TENM3: variants seen among roughly 807,000 people sequenced by gnomAD.
The protein encoded by TENM3 is teneurin transmembrane protein 3.
In TENM3, 63 loss-of-function variants were observed where a neutral mutation model predicts 255.1. The ratio of observed to expected loss-of-function variants is 0.25; its 90% CI spans 0.20 to 0.30. TENM3 has a LOEUF of 0.30. Among genes scored for constraint, TENM3 ranks in the 10% least tolerant of loss-of-function variants. The pLI is 1.00. For missense variants in TENM3, 2,929 were observed against 3,461.1 expected, an observed-to-expected ratio of 0.85 and a Z score of 3.86; for synonymous variants, 1,306 against 1,322.3, an observed-to-expected ratio of 0.99 and a Z score of 0.27.
the TENM3 span, among the ~76,000 whole-genome samples, chr4:181,941,980 C>A: frequency 6.6e-6 from 1 of 152,184 alleles, no homozygotes; most frequent in South Asian, 2.1e-4. Flanking sequence ...TAAAAAACAA[C>A]AGGCTTCCCT....
At chr4:182,682,761 T>C (rs912997103) in intron 11 of TENM3, among the ~76,000 whole-genome samples, 1 of 152,214 alleles carries the variant, frequency 6.6e-6, no homozygotes, top group African/African-American at 2.4e-5. Context: ...TTTATTTTTT[T>C]CAAATGTTGG....
the TENM3 span, among the ~76,000 whole-genome samples, chr4:181,746,663 C>A: frequency 2.0e-5 from 3 of 151,806 alleles, no homozygotes; most frequent in Non-Finnish European, 4.4e-5. Context: ...TACTTAGGTA[C>A]CACTTTATTT....
rs527279875 is a variant in TENM3, at chr4:182,587,034, A to T, written c.512-13890A>T. The stretch of plus-strand genomic sequence containing the variant: ...AGACTGAATCTTTTTGCTAAAAATA[A>T]TTTTTAAAATGTATTATAATTGTCT... On this transcript the variant is annotated intron_variant, in intron 3 of 27. Coordinates refer to ENST00000511685, the MANE Select transcript of TENM3 (RefSeq NM_001080477.4). 7.9e-5 allele frequency among the ~76,000 whole-genome samples: 12 copies of T among 152,320 alleles called. No individual in the cohort carries two copies. In the South Asian group the frequency reaches 2.5e-3, roughly 32 times the overall value.
At chr4:182,326,770 T>G (rs1473530899) in intron 2 of TENM3, among the ~76,000 whole-genome samples, 3 of 152,102 alleles carry the variant, frequency 2.0e-5, no homozygotes, top group Non-Finnish European at 4.4e-5. Context: ...CTCAAACTCC[T>G]GGCCTCAAGC....
the TENM3 span, among the ~76,000 whole-genome samples, chr4:181,932,945 A>G: frequency 3.9e-5 from 6 of 152,166 alleles, no homozygotes; most frequent in Non-Finnish European, 4.4e-5. Flanking sequence ...GTTTTCACTC[A>G]TAAGTGGGAG....
At chr4:182,540,595 A>T (rs186994961) in intron 3 of TENM3, among the ~76,000 whole-genome samples, 6,829 of 152,184 alleles carry the variant, frequency 0.045, 246 homozygotes, top group East Asian at 0.11. Context: ...AAAAAAAAAA[A>T]ATTTTTCACT....
chr4:182,729,764 C>A (rs2152709480), intron 14 of TENM3, among the ~76,000 whole-genome samples: 1 of 152,280 alleles, frequency 6.6e-6, no homozygotes, highest in Admixed American at 6.5e-5. Context: ...GCAGTTGATT[C>A]AAAGTTGCTG....
the TENM3 span, among the ~76,000 whole-genome samples, chr4:182,035,497 G>T: frequency 1.3e-5 from 2 of 152,096 alleles, no homozygotes; most frequent in Admixed American, 1.3e-4. Flanking sequence ...ATGAAAACAG[G>T]AATTCTGGAA....
chr4:182,711,017 C>T (rs916252897), intron 12 of TENM3, among the ~76,000 whole-genome samples: 3 of 152,144 alleles, frequency 2.0e-5, no homozygotes, highest in Non-Finnish European at 2.9e-5. Context: ...GTCCCTGTTT[C>T]CTAATGGGCT....
At chr4:182,701,210 CTTTTTTTTTTT>C (rs35538818) in intron 12 of TENM3, among the ~76,000 whole-genome samples, 5 of 38,668 alleles carry the variant, frequency 1.3e-4, no homozygotes, top group Middle Eastern at 0.033. Flanking sequence ...CAACTCTTGA[CTTTTTTTTTTT>C]TTTTTTTTTT....
At chr4:182,710,702 T>C (rs1758688704) in intron 12 of TENM3, among the ~76,000 whole-genome samples, 1 of 152,216 alleles carries the variant, frequency 6.6e-6, no homozygotes, top group Non-Finnish European at 1.5e-5. Context: ...ATGTCAGCAG[T>C]GAAAAATAAT....
the TENM3 span, among the ~76,000 whole-genome samples, chr4:181,792,073 TAATAA>T: frequency 6.6e-6 from 1 of 152,202 alleles, no homozygotes; most frequent in East Asian, 1.9e-4. Context: ...GGCTTACCTA[TAATAA>T]ACCCATTCAA....
chr4:181,518,072 T>C, the TENM3 span, among the ~76,000 whole-genome samples: 1 of 152,218 alleles, frequency 6.6e-6, no homozygotes, highest in African/African-American at 2.4e-5. Flanking sequence ...GACATGGGAG[T>C]GGCAATCCCT....
At chr4:182,546,965 A>T (rs1186332865) in intron 3 of TENM3, among the ~76,000 whole-genome samples, 1 of 152,130 alleles carries the variant, frequency 6.6e-6, no homozygotes, top group African/African-American at 2.4e-5. Flanking sequence ...TCTGATCAGT[A>T]TGTTAACTGC....
intron 5 of TENM3, among the ~76,000 whole-genome samples, chr4:182,635,390 C>CA (rs1373851530): frequency 6.6e-6 from 1 of 152,170 alleles, no homozygotes; most frequent in African/African-American, 2.4e-5. Flanking sequence ...CTCTCACCTC[C>CA]AAAAAGAATC....
At chr4:182,176,958 A>T (rs1421479963) in intron 1 of TENM3, among the ~76,000 whole-genome samples, 1 of 151,356 alleles carries the variant, frequency 6.6e-6, no homozygotes, top group Middle Eastern at 3.2e-3. Context: ...TACAGGCATG[A>T]GCCACCTGTA....
chr4:181,772,253 C>G, the TENM3 span, among the ~76,000 whole-genome samples: 113 of 152,140 alleles, frequency 7.4e-4, 1 homozygote, highest in African/African-American at 2.7e-3. Flanking sequence ...TGGCATGCGC[C>G]TGTAATCCCA....
chr4:182,064,762 G>A, the TENM3 span, among the ~76,000 whole-genome samples: 1 of 152,172 alleles, frequency 6.6e-6, no homozygotes, highest in African/African-American at 2.4e-5. Flanking sequence ...GACACGAAGT[G>A]AAGAGGGTCT....
chr4:181,894,189 C>T, the TENM3 span, among the ~76,000 whole-genome samples: 2 of 152,224 alleles, frequency 1.3e-5, no homozygotes, highest in African/African-American at 4.8e-5. Flanking sequence ...TTACTAATTT[C>T]GGAGTTCCTA....
Sources: gnomAD v4.1 joint callset for allele counts (sites outside exome capture counted in the v4.1 genomes callset) on GRCh38, gnomAD v4.1.1 for gene constraint, MANE v1.5 for transcripts, NCBI Gene and HGNC (gene_info 2026-07-23, HGNC 2026-07-21) for gene names.